The following NELL1 variants were observed in gnomAD, a reference collection of about 807,000 sequenced individuals.
NELL1 encodes the protein protein kinase C-binding protein NELL1.
Under a neutral mutation model 107.4 loss-of-function variants are expected in NELL1, and 76 were observed. That is an observed-to-expected ratio of 0.71 (90% CI 0.59 to 0.86). The LOEUF is 0.86. NELL1 is among the 40% of genes least tolerant of loss of function. NELL1 has a pLI of 0.00. For synonymous variants in NELL1, 353 were observed against 341.2 expected (o/e 1.03, Z -0.38); for missense variants, 1,024 against 1,005.5 (o/e 1.02, Z -0.25).
chr11:21,333,571 G>A (rs1368736533), intron 14 of NELL1, among the ~76,000 whole-genome samples: 4 of 151,996 alleles, frequency 2.6e-5, no homozygotes, highest in Non-Finnish European at 5.9e-5. Context: ...ACATATGTGT[G>A]TATTTAGTTT....
At chr11:21,124,186 G>A (rs1855435674) in intron 13 of NELL1, among the ~76,000 whole-genome samples, 1 of 152,070 alleles carries the variant, frequency 6.6e-6, no homozygotes, top group Non-Finnish European at 1.5e-5. Flanking sequence ...ATATTATTAT[G>A]AGAAAAGTGT....
chr11:21,041,978 G>A (rs1263403273), intron 12 of NELL1, among the ~76,000 whole-genome samples: 1 of 152,202 alleles, frequency 6.6e-6, no homozygotes, highest in Non-Finnish European at 1.5e-5. Context: ...CATGTGGCAT[G>A]GTGATTCATG....
At chr11:20,830,995 AG>A (rs1857997135) in intron 3 of NELL1, among the ~76,000 whole-genome samples, 1 of 152,158 alleles carries the variant, frequency 6.6e-6, no homozygotes, top group South Asian at 2.1e-4. Flanking sequence ...TCACCTTTTT[AG>A]GGAACTTGAC....
At chr11:21,426,740 A>G (rs1276845353) in intron 15 of NELL1, among the ~76,000 whole-genome samples, 1 of 152,216 alleles carries the variant, frequency 6.6e-6, no homozygotes, top group Admixed American at 6.5e-5. Context: ...AGTCAGAAAA[A>G]AATGAGCTAT....
chr11:21,240,091 A>T (rs1858313775), intron 14 of NELL1, among the ~76,000 whole-genome samples: 1 of 152,012 alleles, frequency 6.6e-6, no homozygotes, highest in Admixed American at 6.6e-5. Context: ...AAAGCAAAGA[A>T]ATTCAGAGCA....
At chr11:21,122,165 G>C (rs1298444654) in intron 13 of NELL1, among the ~76,000 whole-genome samples, 1 of 152,116 alleles carries the variant, frequency 6.6e-6, no homozygotes, top group Admixed American at 6.6e-5. Flanking sequence ...CTTGCCCCTA[G>C]GGTGTTTGTG....
At chr11:20,935,047 C>A (rs890116923) in intron 9 of NELL1, among the ~76,000 whole-genome samples, 9 of 152,014 alleles carry the variant, frequency 5.9e-5, no homozygotes, top group African/African-American at 2.2e-4. Context: ...TTTTTTGCCA[C>A]CTACTAGAGG....
intron 14 of NELL1, among the ~76,000 whole-genome samples, chr11:21,350,446 C>A (rs938045713): frequency 6.6e-6 from 1 of 151,880 alleles, no homozygotes; most frequent in Admixed American, 6.6e-5. Context: ...AGGAAAAAAA[C>A]TTCATTGCCC....
intron 3 of NELL1, among the ~76,000 whole-genome samples, chr11:20,789,309 C>T (rs948489045): frequency 7.2e-5 from 11 of 152,204 alleles, no homozygotes; most frequent in African/African-American, 2.7e-4. Context: ...CATTCAGATA[C>T]ACCGGCTGCT....
At chr11:21,196,883 C>CTTT (rs200792090) in intron 13 of NELL1, among the ~76,000 whole-genome samples, 373 of 136,264 alleles carry the variant, frequency 2.7e-3, no homozygotes, top group African/African-American at 9.0e-3. Context: ...CTTTTCTTTT[C>CTTT]TTTTTTTTTT....
At chr11:21,259,670 GA>G (rs1486727335) in intron 14 of NELL1, among the ~76,000 whole-genome samples, 1 of 151,548 alleles carries the variant, frequency 6.6e-6, no homozygotes, top group African/African-American at 2.4e-5. Context: ...GTTTTACAGA[GA>G]AAAAAAAGAA....
chr11:21,127,963 T>A (rs1855525584), intron 13 of NELL1, among the ~76,000 whole-genome samples: 1 of 152,098 alleles, frequency 6.6e-6, no homozygotes, highest in Non-Finnish European at 1.5e-5. Context: ...ATGCATGCAT[T>A]TTTTTTCTTT....
intron 15 of NELL1, among the ~76,000 whole-genome samples, chr11:21,415,424 A>C (rs1435764477): frequency 6.6e-6 from 1 of 152,046 alleles, no homozygotes; most frequent in Non-Finnish European, 1.5e-5. Flanking sequence ...GGTTGATAAC[A>C]CCAGACCATC....
Position 21,182,187 on chromosome 11 carries a change from A to C in NELL1, c.1427-47145A>C, listed in dbSNP as rs985356247. On this transcript the variant is annotated intron_variant, in intron 13 of 19. Transcript: ENST00000357134. ...GGTGGCTCCTGCCTGTAATCCCAGC[A>C]CTTTGGGAGGCCAAGGCAGGTGGAT... 1.6e-4 allele frequency among the ~76,000 whole-genome samples: 25 copies of C among 151,830 alleles called. 1 individual carries two copies. Among genetic ancestry groups the C allele is most frequent in the African/African-American group, 6.1e-4 (25 of 41,114 alleles).
At chr11:20,926,723 G>A (rs1269625916) in intron 7 of NELL1, among the ~76,000 whole-genome samples, 1 of 152,174 alleles carries the variant, frequency 6.6e-6, no homozygotes, top group Non-Finnish European at 1.5e-5. Flanking sequence ...CTGGGGTTTT[G>A]GTTACTTTTC....
At chr11:20,706,383 C>G (rs1441244456) in intron 2 of NELL1, among the ~76,000 whole-genome samples, 1 of 151,956 alleles carries the variant, frequency 6.6e-6, no homozygotes, top group African/African-American at 2.4e-5. Flanking sequence ...ATGGATGAAG[C>G]TGGAAACCAT....
At chr11:21,337,426 T>C (rs1850429836) in intron 14 of NELL1, among the ~76,000 whole-genome samples, 2 of 152,180 alleles carry the variant, frequency 1.3e-5, no homozygotes, top group African/African-American at 4.8e-5. Flanking sequence ...TCTGATATGC[T>C]TTGGATCTTG....
chr11:20,982,884 T>G lies in NELL1; in HGVS notation c.1300+22324T>G, dbSNP rs774618744. On this transcript the variant is annotated intron_variant, in intron 12 of 19. Transcript: ENST00000357134. ...TTGAATGATTTCTATGGTTAATGAT[T>G]TGGGATCTTTGTGGAAAACCTCCAA... Among the ~76,000 whole-genome samples, 4 of 152,232 alleles carry G rather than the reference T, an allele frequency of 2.6e-5. No individual in the cohort carries two copies. The South Asian group carries it at 8.3e-4, about 31-fold the overall frequency.
At chr11:20,764,200 T>G (rs2133960940) in intron 2 of NELL1, among the ~76,000 whole-genome samples, 1 of 152,382 alleles carries the variant, frequency 6.6e-6, no homozygotes, top group Admixed American at 6.5e-5. Flanking sequence ...ACTGAAATGC[T>G]ATATCCATTA....
Sources: gnomAD v4.1 joint callset for allele counts (sites outside exome capture counted in the v4.1 genomes callset) on GRCh38, gnomAD v4.1.1 for gene constraint, MANE v1.5 for transcripts, NCBI Gene and HGNC (gene_info 2026-07-23, HGNC 2026-07-21) for gene names.